PLXDC2: variants seen among roughly 807,000 people sequenced by gnomAD.
PLXDC2 encodes plexin domain containing 2.
PLXDC2 carries 40 observed loss-of-function variants against 68.9 expected under a neutral mutation model. That is an observed-to-expected ratio of 0.58 (90% CI 0.45 to 0.76). The LOEUF (loss-of-function observed/expected upper bound fraction) is 0.76, where lower values mean the gene tolerates loss of function less well. PLXDC2 is among the 30% of genes least tolerant of loss of function. The pLI, the probability that PLXDC2 is intolerant of heterozygous loss-of-function variation, is 0.00. For synonymous variants in PLXDC2, 243 were observed against 234.2 expected, an observed-to-expected ratio of 1.04 and a Z score of -0.34; for missense variants, 644 against 661.9, an observed-to-expected ratio of 0.97 and a Z score of 0.30.
At chr10:20,196,300 G>A (rs913267522) in intron 9 of PLXDC2, among the ~76,000 whole-genome samples, 1 of 152,136 alleles carries the variant, frequency 6.6e-6, no homozygotes, top group African/African-American at 2.4e-5. Flanking sequence ...TGGCTAAAGA[G>A]GCTGAAGTCC....
Position 20,280,009 on chromosome 10 carries a change from C to T in PLXDC2, c.*190C>T. 2 of 567,010 alleles carry T rather than the reference C, an allele frequency of 3.5e-6. No individual in the cohort carries two copies. The highest frequency in any genetic ancestry group is 4.7e-4 in the Middle Eastern group (1 of 2,132). The allele number at this position is 567,010 out of a possible 1,614,324, so 35.1% of individuals were successfully genotyped here. ...GGTAAACAAAAAACTAAAACTTATA[C>T]AAGATACCATTTACACTGAACATAG... On this transcript the variant is annotated 3_prime_UTR_variant, in exon 14 of 14. Transcript: ENST00000377252.
intron 4 of PLXDC2, among the ~76,000 whole-genome samples, chr10:20,128,204 C>T (rs1833818196): frequency 6.6e-6 from 1 of 152,180 alleles, no homozygotes; most frequent in African/African-American, 2.4e-5. Context: ...GGGATGATCT[C>T]TCACCCATAA....
intron 7 of PLXDC2, among the ~76,000 whole-genome samples, chr10:20,167,373 T>C (rs1181306575): frequency 1.3e-5 from 2 of 152,138 alleles, no homozygotes; most frequent in Admixed American, 1.3e-4. Flanking sequence ...ATTAGCACAA[T>C]GCAAGTTATA....
At chr10:20,229,156 C>A (rs151312690) in intron 12 of PLXDC2, among the ~76,000 whole-genome samples, 307 of 152,158 alleles carry the variant, frequency 2.0e-3, no homozygotes, top group African/African-American at 7.2e-3. Context: ...AGTGATATAT[C>A]CACAAGCATG....
intron 3 of PLXDC2, among the ~76,000 whole-genome samples, chr10:20,054,413 A>G (rs1257598198): frequency 1.3e-5 from 2 of 151,968 alleles, no homozygotes; most frequent in African/African-American, 4.8e-5. Context: ...GGATGGATGG[A>G]TGGATGGACA....
intron 7 of PLXDC2, among the ~76,000 whole-genome samples, chr10:20,165,571 T>G (rs1834363855): frequency 6.6e-6 from 1 of 152,172 alleles, no homozygotes; most frequent in Non-Finnish European, 1.5e-5. Context: ...GAATGATGAT[T>G]TCCAATTTCA....
At chr10:20,089,928 C>T (rs925942414) in intron 4 of PLXDC2, among the ~76,000 whole-genome samples, 1 of 152,068 alleles carries the variant, frequency 6.6e-6, no homozygotes, top group East Asian at 1.9e-4. Context: ...ATGACATGAC[C>T]GTTAGGTTCA....
intron 1 of PLXDC2, among the ~76,000 whole-genome samples, chr10:19,857,448 A>T (rs1413595258): frequency 1.3e-5 from 2 of 152,226 alleles, no homozygotes; most frequent in Non-Finnish European, 2.9e-5. Context: ...GAAATGAATC[A>T]TTTATATTTG....
At position 20,282,414 on chromosome 10, in the gene PLXDC2, A is replaced by C. The variant is rs1020950659; in HGVS notation, c.*2595A>C. On this transcript the variant is annotated 3_prime_UTR_variant, in exon 14 of 14. Coordinates refer to ENST00000377252, the MANE Select transcript of PLXDC2 (RefSeq NM_032812.9). Reference sequence around the variant, plus strand: ...TGTATTAGAGAAGGTGCAACTGTACATTACTTAATATACTATGAACATAAT... The same window carrying C: ...TGTATTAGAGAAGGTGCAACTGTACCTTACTTAATATACTATGAACATAAT... The C allele has an allele frequency of 2.6e-5, 4 of 152,218 alleles. No homozygotes were observed. The highest frequency in any genetic ancestry group is 1.5e-5 in the Non-Finnish European group (1 of 68,034). 9.4% of individuals were successfully genotyped at this position (152,218 alleles called of 1,614,324 possible).
chr10:19,933,359 C>T (rs139860018), intron 1 of PLXDC2, among the ~76,000 whole-genome samples: 238 of 152,228 alleles, frequency 1.6e-3, no homozygotes, highest in African/African-American at 5.5e-3. Flanking sequence ...AACACATATA[C>T]ACATGGTGGC....
At chr10:20,151,431 A>G (rs182135591) in intron 6 of PLXDC2, among the ~76,000 whole-genome samples, 4 of 152,326 alleles carry the variant, frequency 2.6e-5, no homozygotes, top group African/African-American at 9.6e-5. Context: ...TTTTGGAAAT[A>G]GATCATACAT....
chr10:19,966,504 A>G (rs1309936465), intron 1 of PLXDC2, among the ~76,000 whole-genome samples: 1 of 68,778 alleles, frequency 1.5e-5, no homozygotes, highest in Non-Finnish European at 2.9e-5. Context: ...TATGATATAG[A>G]TATAGAAATA....
intron 2 of PLXDC2, among the ~76,000 whole-genome samples, chr10:20,040,018 G>A (rs1835652377): frequency 6.6e-6 from 1 of 152,180 alleles, no homozygotes; most frequent in Non-Finnish European, 1.5e-5. Context: ...GGACCTCAGA[G>A]AAACCTTAAC....
chr10:20,193,312 A>T (rs1443223063), intron 9 of PLXDC2, among the ~76,000 whole-genome samples: 1 of 152,138 alleles, frequency 6.6e-6, no homozygotes, highest in African/African-American at 2.4e-5. Flanking sequence ...ATTAATGGGA[A>T]AAAAAGTCAA....
intron 1 of PLXDC2, among the ~76,000 whole-genome samples, chr10:19,920,671 C>A (rs1275519338): frequency 6.6e-6 from 1 of 152,206 alleles, no homozygotes; most frequent in Non-Finnish European, 1.5e-5. Flanking sequence ...AATCCTCCCA[C>A]CTCAGCCTCC....
chr10:20,142,337 TTG>T (rs928589030), intron 4 of PLXDC2, among the ~76,000 whole-genome samples: 4 of 152,096 alleles, frequency 2.6e-5, no homozygotes, highest in African/African-American at 9.7e-5. Flanking sequence ...TGCATTTTAT[TTG>T]TGTGTGTGCA....
Position 20,098,346 on chromosome 10 carries a change from CGTGTGTGTGTAT to C in PLXDC2, c.541+30118_541+30129del, listed in dbSNP as rs1446451228. 1.2e-4 allele frequency among the ~76,000 whole-genome samples: 12 copies of C among 103,120 alleles called. No individual in the cohort carries two copies. In the South Asian group the frequency reaches 6.0e-3, roughly 51 times the overall value. 67.7% of individuals were successfully genotyped at this position (103,120 alleles called of 152,430 possible). The stretch of plus-strand genomic sequence containing the variant: ...GCTCTGTCTTCCCGTCATTTTCGTG[CGTGTGTGTGTAT>C]GTGTGTGTGTGTGTGTGTGTGTGTG... On this transcript the variant is annotated intron_variant, in intron 4 of 13. Coordinates refer to ENST00000377252, the MANE Select transcript of PLXDC2 (RefSeq NM_032812.9).
At chr10:20,190,703 T>A (rs1248020686) in intron 9 of PLXDC2, among the ~76,000 whole-genome samples, 3 of 151,802 alleles carry the variant, frequency 2.0e-5, no homozygotes, top group South Asian at 2.1e-4. Context: ...AGAACATTTT[T>A]AAAAAGTAAT....
intron 13 of PLXDC2, 81 bp from the exon 14 acceptor site, chr10:20,279,622 A>T (rs796379898): frequency 9.4e-7 from 1 of 1,066,454 alleles, no homozygotes; most frequent in Non-Finnish European, 1.4e-6. Context: ...CATTTAATCT[A>T]AAATAGCTAG....
Sources: gnomAD v4.1 joint callset for allele counts (sites outside exome capture counted in the v4.1 genomes callset) on GRCh38, gnomAD v4.1.1 for gene constraint, MANE v1.5 for transcripts, NCBI Gene and HGNC (gene_info 2026-07-23, HGNC 2026-07-21) for gene names.